Variants in PTCHD4 observed in about 807,000 individuals in gnomAD.
PTCHD4 encodes the protein patched domain containing 4.
In PTCHD4, 33 loss-of-function variants were observed where a neutral mutation model predicts 58.1. The ratio of observed to expected loss-of-function variants is 0.57; its 90% confidence interval spans 0.43 to 0.76. The LOEUF (loss-of-function observed/expected upper bound fraction) is 0.76. Ranked by LOEUF, PTCHD4 falls within the 30% of genes least tolerant of loss-of-function variation. PTCHD4 has a pLI of 0.00. For synonymous variants in PTCHD4, 478 were observed against 409.6 expected, an observed-to-expected ratio of 1.17 and a Z score of -2.02; for missense variants, 1,058 against 1,027.1, an observed-to-expected ratio of 1.03 and a Z score of -0.41.
In PTCHD4 at chr6:47,861,150, G is replaced by C. The variant is rs1035557910; in HGVS notation, c.*17153C>G. Among the ~76,000 whole-genome samples the C allele has an allele frequency of 6.6e-6, 1 of 151,830 alleles. No individual in the cohort carries two copies. Among genetic ancestry groups the C allele is most frequent in the Non-Finnish European group, 1.5e-5 (1 of 67,884 alleles). On this transcript the variant is annotated 3_prime_UTR_variant, in exon 5 of 5. Coordinates refer to ENST00000339488, the MANE Select transcript of PTCHD4 (RefSeq NM_001384253.1). Reference sequence around the variant, plus strand: ...GCAAGATTGTTTTTCTCCATCTGTAGATGAATTCTTCTTTTTACCTAAACT... The same window carrying C: ...GCAAGATTGTTTTTCTCCATCTGTACATGAATTCTTCTTTTTACCTAAACT...
intron 3 of PTCHD4, among the ~76,000 whole-genome samples, chr6:48,025,661 A>C (rs1342920374): frequency 1.3e-5 from 2 of 152,218 alleles, no homozygotes; most frequent in East Asian, 3.8e-4. Flanking sequence ...CTGAAAGATC[A>C]GGGCTATTTG....
intron 4 of PTCHD4, among the ~76,000 whole-genome samples, chr6:47,981,860 G>A (rs1407726609): frequency 1.3e-5 from 2 of 152,130 alleles, no homozygotes; most frequent in Non-Finnish European, 2.9e-5. Flanking sequence ...ACTCCATACC[G>A]CTGCATTTCC....
At chr6:48,014,056 G>A (rs1762785267) in intron 3 of PTCHD4, among the ~76,000 whole-genome samples, 3 of 151,972 alleles carry the variant, frequency 2.0e-5, no homozygotes, top group Admixed American at 2.0e-4. Context: ...TTTATAAAAG[G>A]TACACTTCTA....
intron 1 of PTCHD4, among the ~76,000 whole-genome samples, chr6:48,070,225 AG>A (rs1414890499): frequency 5.9e-5 from 9 of 151,820 alleles, no homozygotes; most frequent in Non-Finnish European, 1.2e-4. Flanking sequence ...TGCTTTCCAA[AG>A]TTTCTGTTCT....
chr6:48,095,066 C>A (rs183304706), intron 1 of PTCHD4, among the ~76,000 whole-genome samples: 1 of 152,044 alleles, frequency 6.6e-6, no homozygotes, highest in African/African-American at 2.4e-5. Context: ...AGAAAATTTT[C>A]GGGGATTGTG....
intron 3 of PTCHD4, among the ~76,000 whole-genome samples, chr6:48,059,624 T>C (rs1007003449): frequency 6.6e-6 from 1 of 150,602 alleles, no homozygotes; most frequent in African/African-American, 2.5e-5. Flanking sequence ...GGCGACAGAG[T>C]GAGACTGTCT....
Position 48,068,400 on chromosome 6 carries a change from T to C in PTCHD4, c.247A>G (p.Ser83Gly). The C allele has an allele frequency of 6.2e-7, 1 of 1,613,978 alleles. No individual in the cohort carries two copies. Among genetic ancestry groups the C allele is most frequent in the Non-Finnish European group, 8.5e-7 (1 of 1,179,886 alleles). Residue 83 changes from serine (S) to glycine (G), a missense_variant, in exon 3 of 5, where the codon AGC (serine) becomes GGC (glycine). Physicochemically the swap from Ser to Gly is moderately conservative, Grantham distance 56 (BLOSUM62 0). Transcript: ENST00000339488. The surrounding 1 kb of genome is among the most constrained non-coding windows in gnomAD (Gnocchi z 4.2). ...PSHSLAKIER[S>G]LASSLFPLDQ... ...AGGGGGAAAAGGCTGCTGGCCAGGC[T>C]GCGCTCGATCTTGGCCAGGCTGTGG... is the stretch of plus-strand genomic sequence containing the variant.
intron 1 of PTCHD4, among the ~76,000 whole-genome samples, chr6:48,076,839 C>T (rs72869976): frequency 0.2 from 29,728 of 152,184 alleles, 3,164 homozygotes; most frequent in Non-Finnish European, 0.24. Flanking sequence ...AGATTTGCTA[C>T]AGCTCTGCGT....
At chr6:47,907,355 T>C (rs112558868) in intron 4 of PTCHD4, among the ~76,000 whole-genome samples, 19 of 152,142 alleles carry the variant, frequency 1.2e-4, no homozygotes, top group African/African-American at 4.6e-4. Context: ...AGACTTCTGA[T>C]TTTGTGCAAG....
At chr6:48,084,735 CTT>C (rs537327491) in intron 1 of PTCHD4, among the ~76,000 whole-genome samples, 14 of 137,844 alleles carry the variant, frequency 1.0e-4, no homozygotes, top group East Asian at 2.1e-4. Context: ...TTCTTTCTTT[CTT>C]TTTTTTTTTT....
intron 3 of PTCHD4, among the ~76,000 whole-genome samples, chr6:48,018,109 C>T (rs1430018201): frequency 6.6e-6 from 1 of 152,166 alleles, no homozygotes; most frequent in African/African-American, 2.4e-5. Flanking sequence ...ACTGTTTATT[C>T]ACTTATCCAT....
At chr6:48,082,801 T>C (rs1468536883) in intron 1 of PTCHD4, among the ~76,000 whole-genome samples, 1 of 152,078 alleles carries the variant, frequency 6.6e-6, no homozygotes, top group Non-Finnish European at 1.5e-5. Context: ...AAATTGACAT[T>C]ATTAAAAACA....
intron 3 of PTCHD4, among the ~76,000 whole-genome samples, chr6:48,052,411 C>A (rs1764266794): frequency 6.6e-6 from 1 of 151,638 alleles, no homozygotes. Flanking sequence ...ATAGCAATCG[C>A]TTGTTTTAAA....
chr6:47,984,917 CT>C (rs1442072725), intron 4 of PTCHD4, among the ~76,000 whole-genome samples: 1 of 151,916 alleles, frequency 6.6e-6, no homozygotes, highest in Non-Finnish European at 1.5e-5. Context: ...TGAAGACAAA[CT>C]TTTATTTCTT....
intron 1 of PTCHD4, among the ~76,000 whole-genome samples, chr6:48,097,665 G>A (rs1765502728): frequency 2.0e-5 from 3 of 152,198 alleles, no homozygotes; most frequent in South Asian, 2.1e-4. Flanking sequence ...AAATAAGAAG[G>A]ACAAAGCCCC....
intron 4 of PTCHD4, among the ~76,000 whole-genome samples, chr6:47,944,529 C>G (rs944948804): frequency 6.6e-6 from 1 of 152,076 alleles, no homozygotes; most frequent in East Asian, 1.9e-4. Flanking sequence ...ATAGTTAAAG[C>G]TTTAACAGGG....
intron 4 of PTCHD4, among the ~76,000 whole-genome samples, chr6:47,983,978 T>C (rs1767977258): frequency 6.6e-6 from 1 of 152,152 alleles, no homozygotes; most frequent in Admixed American, 6.5e-5. Context: ...TGTAATACAG[T>C]ATATTTAAAT....
intron 1 of PTCHD4, among the ~76,000 whole-genome samples, chr6:48,092,474 A>G (rs1456457279): frequency 6.6e-6 from 1 of 152,220 alleles, no homozygotes; most frequent in Non-Finnish European, 1.5e-5. Context: ...TGGTGAAATA[A>G]CTACTGGTTA....
chr6:48,079,790 A>G (rs774898719), intron 1 of PTCHD4, among the ~76,000 whole-genome samples: 1 of 151,870 alleles, frequency 6.6e-6, no homozygotes, highest in African/African-American at 2.4e-5. Context: ...CTCCACCTCC[A>G]TGGCAACCCT....
Sources: gnomAD v4.1 joint callset for allele counts (sites outside exome capture counted in the v4.1 genomes callset) on GRCh38, gnomAD v4.1.1 for gene constraint, Gnocchi (gnomAD v3.1) non-coding constraint, MANE v1.5 for transcripts, NCBI Gene and HGNC (gene_info 2026-07-23, HGNC 2026-07-21) for gene names.